The following SYCP2L variants were observed in gnomAD, a reference collection of about 807,000 sequenced individuals.
The protein encoded by SYCP2L is synaptonemal complex protein 2 like.
In SYCP2L, 98 loss-of-function variants were observed where a neutral mutation model predicts 125.8. The observed-to-expected ratio is 0.78, with a 90% CI of 0.66 to 0.92. SYCP2L has a LOEUF of 0.92. SYCP2L is among the 40% of genes least tolerant of loss of function. SYCP2L has a pLI of 0.00. For missense variants in SYCP2L, 842 were observed against 936.4 expected, an observed-to-expected ratio of 0.90 and a Z score of 1.32; for synonymous variants, 317 against 325.4, an observed-to-expected ratio of 0.97 and a Z score of 0.28.
chr6:10,918,405 A>G lies in SYCP2L; in HGVS notation c.1072+5478A>G, dbSNP rs148171127. ...TTTCTCTTCTTTCTCGGGAGTGCCA[A>G]TTATTCTCACATTTGGTCGTTTAAC... On this transcript the variant is annotated intron_variant, in intron 14 of 29. Coordinates refer to ENST00000283141, the MANE Select transcript of SYCP2L (RefSeq NM_001040274.3). Among the ~76,000 whole-genome samples the G allele has an allele frequency of 6.1e-4, 93 of 152,142 alleles. 2 individuals carry two copies. The highest frequency in any genetic ancestry group is 3.1e-4 in the Non-Finnish European group (21 of 68,000).
At chr6:10,920,277 G>A (rs1302232014) in intron 14 of SYCP2L, among the ~76,000 whole-genome samples, 1 of 152,144 alleles carries the variant, frequency 6.6e-6, no homozygotes, top group Non-Finnish European at 1.5e-5. Flanking sequence ...GAGTGCAGTG[G>A]CGTGATCTTG....
rs73723610 is a variant in SYCP2L at position 10,912,687 on chromosome 6, G to C, written c.933G>C (p.Ala311=). The change falls in exon 13 of 30, where the codon GCG becomes GCC. Residue 311 remains alanine (A), a synonymous_variant. Transcript: ENST00000283141. This position sits in a 1 kb window ranked among gnomAD's most constrained non-coding sequence, Gnocchi z 4.1. ...FADEHEMRKP[A]DEKLEKFWID... ...ATCTCTTACAGATGAGAAAACCAGC[G>C]GATGAAAAATTAGAGAAATTTTGGA... is the stretch of plus-strand genomic sequence containing the variant. 1.2e-6 allele frequency: 2 copies of C among 1,612,922 alleles called. No individual in the cohort carries two copies. Among genetic ancestry groups the C allele is most frequent in the Non-Finnish European group, 1.7e-6 (2 of 1,179,716 alleles).
Position 10,920,038 on chromosome 6 carries a change from G to A in SYCP2L, c.1073-4458G>A, listed in dbSNP as rs762953113. Among the ~76,000 whole-genome samples, 69 of 152,282 alleles carry A rather than the reference G, an allele frequency of 4.5e-4. 1 individual carries two copies. The highest frequency in any genetic ancestry group is 7.9e-4 in the Non-Finnish European group (54 of 68,026). The stretch of plus-strand genomic sequence containing the variant: ...CATGTAAGGGAGAGAGTGAGGAAGT[G>A]TGGGGTCTTCATGACTTGCTTTGAT... On this transcript the variant is annotated intron_variant, in intron 14 of 29. Transcript: ENST00000283141.
At chr6:10,926,649 G>C (rs1780901808) in intron 16 of SYCP2L, among the ~76,000 whole-genome samples, 1 of 152,150 alleles carries the variant, frequency 6.6e-6, no homozygotes, top group Non-Finnish European at 1.5e-5. Context: ...AGAAATGATG[G>C]GGTTTGGGGG....
intron 20 of SYCP2L, among the ~76,000 whole-genome samples, chr6:10,932,395 T>C (rs1423073830): frequency 2.6e-5 from 4 of 152,216 alleles, no homozygotes; most frequent in African/African-American, 9.6e-5. Flanking sequence ...ACGTGAGCTA[T>C]GTATACAGTA....
intron 29 of SYCP2L, among the ~76,000 whole-genome samples, chr6:10,970,562 AG>A (rs1781753103): frequency 6.6e-6 from 1 of 152,158 alleles, no homozygotes; most frequent in Non-Finnish European, 1.5e-5. Context: ...AGGTGGGAAA[AG>A]GCAGGATCAA....
intron 14 of SYCP2L, among the ~76,000 whole-genome samples, chr6:10,919,320 C>T (rs1016819004): frequency 3.3e-5 from 5 of 152,018 alleles, no homozygotes; most frequent in African/African-American, 7.2e-5. Flanking sequence ...TCCTGAGAGC[C>T]GAGCCGTAGG....
chr6:10,923,861 T>G (rs1428509179), intron 14 of SYCP2L, among the ~76,000 whole-genome samples: 1 of 151,596 alleles, frequency 6.6e-6, no homozygotes, highest in Non-Finnish European at 1.5e-5. Flanking sequence ...TTTTTTTGTA[T>G]TTTTAGCAGA....
intron 20 of SYCP2L, among the ~76,000 whole-genome samples, chr6:10,932,937 A>G (rs1781023209): frequency 6.6e-6 from 1 of 152,174 alleles, no homozygotes; most frequent in Non-Finnish European, 1.5e-5. Context: ...TATTTTCAGT[A>G]GAGACAGAGT....
intron 20 of SYCP2L, among the ~76,000 whole-genome samples, chr6:10,933,845 A>T: frequency 6.6e-6 from 1 of 152,210 alleles, no homozygotes; most frequent in Admixed American, 6.5e-5. Context: ...GGATTTAGTT[A>T]ATGTAATTTT....
chr6:10,893,151 A>G (rs531988220), intron 2 of SYCP2L, among the ~76,000 whole-genome samples: 1 of 152,008 alleles, frequency 6.6e-6, no homozygotes, highest in African/African-American at 2.4e-5. Flanking sequence ...GGCATGCGCC[A>G]CCACGTCTGG....
chr6:10,917,010 C>G (rs924717824), intron 14 of SYCP2L, among the ~76,000 whole-genome samples: 2 of 152,044 alleles, frequency 1.3e-5, no homozygotes, highest in African/African-American at 4.8e-5. Flanking sequence ...AAATAATCAT[C>G]ATAATAATTT....
chr6:10,907,700 A>T lies in SYCP2L; in HGVS notation c.819+16A>T, dbSNP rs191140430. 23 of 1,610,290 alleles carry T rather than the reference A, an allele frequency of 1.4e-5. No individual in the cohort carries two copies. In the African/African-American group the frequency reaches 2.5e-4, roughly 18 times the overall value. On this transcript the variant is annotated intron_variant, in intron 10 of 29. Transcript: ENST00000283141. The stretch of plus-strand genomic sequence containing the variant: ...ATTTGAGACGGTGAGATTCCTGGCC[A>T]TGCGAATTTCTTATTAGCCAATATT...
chr6:10,924,600 A>T lies in SYCP2L; in HGVS notation c.1177A>T (p.Ile393Leu). ...AATCCATTTTGATTTGCAGTTCAAC[A>T]TATCACAAGTTTCCATTCAAGCTTT... ...IEIHFDLQFN[I>L]SQVSIQALGE... The change falls in exon 15 of 30, where the codon ATA becomes TTA. Residue 393 changes from isoleucine (I) to leucine (L), a missense_variant. Physicochemically the swap from Ile to Leu is conservative, Grantham distance 5. Coordinates refer to ENST00000283141, the MANE Select transcript of SYCP2L (RefSeq NM_001040274.3). The T allele has an allele frequency of 6.2e-7, 1 of 1,600,310 alleles. No homozygotes were observed. Among genetic ancestry groups the T allele is most frequent in the Non-Finnish European group, 8.5e-7 (1 of 1,176,336 alleles).
chr6:10,960,637 G>T (rs758195011), intron 26 of SYCP2L, among the ~76,000 whole-genome samples: 99 of 152,254 alleles, frequency 6.5e-4, no homozygotes, highest in Middle Eastern at 6.8e-3. Context: ...CCTGACCACA[G>T]GTTTCAGGGC....
chr6:10,961,155 A>G (rs1581845388), intron 26 of SYCP2L, 150 bp from the exon 27 acceptor site: 5 of 591,076 alleles, frequency 8.5e-6, no homozygotes, highest in South Asian at 2.2e-5. Flanking sequence ...CAGGGAGGGG[A>G]GGGAAGAGAA....
At chr6:10,949,398 A>G (rs908280316) in intron 23 of SYCP2L, among the ~76,000 whole-genome samples, 1 of 152,152 alleles carries the variant, frequency 6.6e-6, no homozygotes, top group Non-Finnish European at 1.5e-5. Context: ...GTAGTTTCCA[A>G]GCATATGGGA....
chr6:10,905,008 C>T (rs920657270), intron 8 of SYCP2L, among the ~76,000 whole-genome samples: 11 of 151,268 alleles, frequency 7.3e-5, no homozygotes, highest in African/African-American at 2.7e-4. Flanking sequence ...CTGGGTGTGG[C>T]GGGCACCTGT....
In SYCP2L at chr6:10,910,986, A is replaced by T. The variant is rs1165139599; in HGVS notation, c.918+117A>T. The T allele has an allele frequency of 4.7e-6, 5 of 1,067,344 alleles. No individual in the cohort carries two copies. The African/African-American group carries it at 6.3e-5, about 13-fold the overall frequency. The allele number at this position is 1,067,344 out of a possible 1,614,324, so 66.1% of individuals were successfully genotyped here. On this transcript the variant is annotated intron_variant, in intron 12 of 29. Transcript: ENST00000283141. The stretch of plus-strand genomic sequence containing the variant: ...ACTCAAAAGGGCTTTTTAAAAAAGG[A>T]TGCCAACGTCTTCTAATGACCTCAG...
Sources: gnomAD v4.1 joint callset for allele counts (sites outside exome capture counted in the v4.1 genomes callset) on GRCh38, gnomAD v4.1.1 for gene constraint, Gnocchi (gnomAD v3.1) non-coding constraint, MANE v1.5 for transcripts, NCBI Gene and HGNC (gene_info 2026-07-23, HGNC 2026-07-21) for gene names.